DEFB110: variants seen among roughly 807,000 people sequenced by gnomAD.
DEFB110 encodes the protein beta-defensin 110.
In DEFB110, 4 loss-of-function variants were observed where a neutral mutation model predicts 2.5. That is an observed-to-expected ratio of 1.60 (90% CI 0.79 to 3.66). DEFB110 has a LOEUF of 3.66. DEFB110 is among the 30% of genes most tolerant of loss of function. The pLI, the probability that DEFB110 is intolerant of heterozygous loss-of-function variation, is 0.01. For synonymous variants in DEFB110, 29 were observed against 21.8 expected (o/e 1.33, Z -0.92); for missense variants, 94 against 75.4 (o/e 1.25, Z -0.91).
At chr6:50,020,156 AAC>A (rs1774394180) in intron 1 of DEFB110, among the ~76,000 whole-genome samples, 1 of 152,122 alleles carries the variant, frequency 6.6e-6, no homozygotes, top group African/African-American at 2.4e-5. Context: ...CATTATAAGA[AAC>A]ACAAAATTTG....
chr6:50,012,980 G>A (rs1774251273), intron 1 of DEFB110, among the ~76,000 whole-genome samples: 2 of 151,916 alleles, frequency 1.3e-5, no homozygotes, highest in African/African-American at 4.8e-5. Context: ...ACTCTTCCTG[G>A]AATAGTCTAT....
chr6:50,019,167 T>C (rs1247225642), intron 1 of DEFB110, 42 bp from the exon 2 acceptor site: 6 of 1,583,210 alleles, frequency 3.8e-6, no homozygotes, highest in South Asian at 1.1e-5. Context: ...CATCTAGCTA[T>C]GACACATCCA....
At chr6:50,009,247 T>C (rs200860176) in exon 2 of DEFB110, 181 of 1,602,966 alleles carry the variant, frequency 1.1e-4, no homozygotes, top group South Asian at 6.8e-5. Context: ...TTCAAATCTA[T>C]ACTTTGGTTC....
intron 1 of DEFB110, among the ~76,000 whole-genome samples, chr6:50,019,355 A>G (rs1270715501): frequency 6.6e-6 from 1 of 152,140 alleles, no homozygotes; most frequent in East Asian, 1.9e-4. Flanking sequence ...GAAACTGGGC[A>G]GTGACCCAAG....
At chr6:50,016,949 C>T (rs1248610270), downstream of DEFB110, among the ~76,000 whole-genome samples, 5 of 151,386 alleles carry the variant, frequency 3.3e-5, no homozygotes, top group East Asian at 3.9e-4. Flanking sequence ...TGTGCAGAGA[C>T]GCCTCACATG....
At chr6:50,021,845 T>C (rs1258849258) in intron 1 of DEFB110, 36 bp downstream of exon 1, 1 of 1,530,098 alleles carries the variant, frequency 6.5e-7, no homozygotes. Flanking sequence ...TTCTCAAATT[T>C]GTTAGTATAA....
chr6:50,021,951 A>C lies in DEFB110; in HGVS notation c.-16T>G. 6.5e-7 allele frequency: 1 copy of C among 1,530,254 alleles called. No homozygotes were observed. Among genetic ancestry groups the C allele is most frequent in the Non-Finnish European group, 8.7e-7 (1 of 1,147,606 alleles). The allele number at this position is 1,530,254 out of a possible 1,614,324, so 94.8% of individuals were successfully genotyped here. A position where few individuals can be genotyped will look rare whatever the true frequency, so the allele number is the denominator to read the frequency against. On this transcript the variant is annotated 5_prime_UTR_variant, in exon 1 of 2. Transcript: ENST00000371148. ...GAATCTTCATGGTAGAGAGTTTCTT[A>C]AAAAAAGGGGGCAACAGACCTCCTT... is the stretch of plus-strand genomic sequence containing the variant.
At chr6:50,013,124 T>C (rs916580399) in intron 1 of DEFB110, among the ~76,000 whole-genome samples, 1 of 151,876 alleles carries the variant, frequency 6.6e-6, no homozygotes, top group African/African-American at 2.4e-5. Context: ...CCAATAACTC[T>C]TCCCATTTCA....
downstream of DEFB110, among the ~76,000 whole-genome samples, chr6:50,017,901 G>C (rs1377357258): frequency 6.6e-6 from 1 of 151,764 alleles, no homozygotes; most frequent in South Asian, 2.1e-4. Context: ...TATATGTACT[G>C]TTTAATACAT....
downstream of DEFB110, among the ~76,000 whole-genome samples, chr6:50,014,859 T>G (rs1250996417): frequency 6.6e-6 from 1 of 151,766 alleles, no homozygotes; most frequent in Non-Finnish European, 1.5e-5. Flanking sequence ...AGCATCCCCA[T>G]GCTCTAATGA....
chr6:50,015,556 A>G (rs988858771), downstream of DEFB110, among the ~76,000 whole-genome samples: 11 of 151,824 alleles, frequency 7.2e-5, no homozygotes, highest in African/African-American at 2.2e-4. Context: ...ATAGGGCTCT[A>G]TGACAAATCA....
Position 50,011,459 on chromosome 6 carries a change from T to C in DEFB110, c.56-2188A>G, listed in dbSNP as rs1038866535. Among the ~76,000 whole-genome samples, 3 of 152,146 alleles carry C rather than the reference T, an allele frequency of 2.0e-5. No homozygotes were observed. In the South Asian group the frequency reaches 6.2e-4, roughly 32 times the overall value. Reference sequence around the variant, plus strand: ...GTTTGGGGCCTTAGTCAGGAGAATATATTCCAGAAGGTTTCTGGGAGTCTC... The same window carrying C: ...GTTTGGGGCCTTAGTCAGGAGAATACATTCCAGAAGGTTTCTGGGAGTCTC... On this transcript the variant is annotated intron_variant, in intron 1 of 1. Coordinates refer to the DEFB110 transcript ENST00000393660.
intron 1 of DEFB110, among the ~76,000 whole-genome samples, chr6:50,021,315 T>A (rs1041380056): frequency 6.6e-6 from 1 of 152,170 alleles, no homozygotes; most frequent in African/African-American, 2.4e-5. Context: ...GTACAAGTTG[T>A]GATGAGCTAA....
chr6:50,017,707 GA>G (rs200364325), downstream of DEFB110, among the ~76,000 whole-genome samples: 385 of 151,112 alleles, frequency 2.5e-3, 5 homozygotes, highest in East Asian at 0.034. Flanking sequence ...TCTGAGTGGA[GA>G]AAAAAAAATT....
At chr6:50,012,379 T>C (rs1561990360) in intron 1 of DEFB110, among the ~76,000 whole-genome samples, 1 of 151,626 alleles carries the variant, frequency 6.6e-6, no homozygotes, top group Non-Finnish European at 1.5e-5. Flanking sequence ...GATAAATAAC[T>C]GAAAAAAAAG....
chr6:50,010,028 A>T (rs1372513580), intron 1 of DEFB110, among the ~76,000 whole-genome samples: 2 of 152,072 alleles, frequency 1.3e-5, no homozygotes, highest in African/African-American at 4.8e-5. Context: ...TACTCTGAAA[A>T]TGCCTTTAGA....
downstream of DEFB110, among the ~76,000 whole-genome samples, chr6:50,017,908 A>G (rs957181388): frequency 1.3e-5 from 2 of 151,840 alleles, no homozygotes; most frequent in Admixed American, 6.6e-5. Flanking sequence ...ACTGTTTAAT[A>G]CATTTTATTT....
chr6:50,012,139 T>G (rs1215703528), intron 1 of DEFB110, among the ~76,000 whole-genome samples: 1 of 152,034 alleles, frequency 6.6e-6, no homozygotes, highest in Non-Finnish European at 1.5e-5. Flanking sequence ...CTTTTGGATT[T>G]CACACCAAAA....
At chr6:50,016,695 C>T (rs926144605), downstream of DEFB110, among the ~76,000 whole-genome samples, 11 of 150,770 alleles carry the variant, frequency 7.3e-5, no homozygotes, top group African/African-American at 1.5e-4. Context: ...CTTTTTTTCA[C>T]GCAGAAAACA....
Sources: allele counts gnomAD v4.1 joint callset (sites outside exome capture counted in the v4.1 genomes callset), GRCh38; gene constraint gnomAD v4.1.1; transcripts MANE v1.5; gene names NCBI Gene and HGNC (gene_info 2026-07-23, HGNC 2026-07-21).